The following KRT80 variants were observed in gnomAD, a reference collection of about 807,000 sequenced individuals.
KRT80 encodes the protein keratin 80, also known as keratin, type II cytoskeletal 80.
Under a neutral mutation model 51.5 loss-of-function variants are expected in KRT80, and 36 were observed. The observed-to-expected ratio is 0.70, with a 90% CI of 0.54 to 0.92. KRT80 has a LOEUF of 0.92. Ranked by LOEUF, KRT80 falls within the 40% of genes least tolerant of loss-of-function variation. The pLI is 0.00. For synonymous variants in KRT80, 235 were observed against 248.3 expected (o/e 0.95, Z 0.50); for missense variants, 566 against 591.7 (o/e 0.96, Z 0.45).
At position 52,191,717 on chromosome 12, in the gene KRT80, G is replaced by A. The variant is rs558670359; in HGVS notation, c.186C>T (p.Pro62=). The change falls in exon 1 of 9, where the codon CCC becomes CCT. Residue 62 remains proline, a synonymous_variant. Transcript: ENST00000394815. The part of the protein sequence containing the change: ...AGTISKVTVN[P]GLLVPLDVKL... Reference sequence around the variant, plus strand: ...TGACATCCAGGGGCACCAGCAGGCCGGGGTTCACAGTCACCTTGGAGATAG... The same window carrying A: ...TGACATCCAGGGGCACCAGCAGGCCAGGGTTCACAGTCACCTTGGAGATAG... 59 of 1,613,764 alleles carry A rather than the reference G, an allele frequency of 3.7e-5. No individual in the cohort carries two copies. Among genetic ancestry groups the A allele is most frequent in the East Asian group, 1.6e-4 (7 of 44,886 alleles).
In KRT80 at chr12:52,171,834, T is replaced by C. The variant is rs954664582; in HGVS notation, c.1179-121A>G. On this transcript the variant is annotated intron_variant, in intron 7 of 8. Transcript: ENST00000394815. ...AGTTCTTGGTGGTCACTCCCAGCCCTGGGGTTGCCCTGTTGTGTGGCCCTG... is the reference window on the plus strand; with the variant it reads ...AGTTCTTGGTGGTCACTCCCAGCCCCGGGGTTGCCCTGTTGTGTGGCCCTG... The C allele has an allele frequency of 4.2e-6, 3 of 721,140 alleles. No homozygotes were observed. The African/African-American group carries it at 5.3e-5, about 13-fold the overall frequency. The allele number at this position is 721,140 out of a possible 1,614,324, so 44.7% of individuals were successfully genotyped here.
intron 1 of KRT80, chr12:52,185,831 C>A: frequency 1.4e-6 from 1 of 730,786 alleles, no homozygotes; most frequent in Non-Finnish European, 2.1e-6. Flanking sequence ...CAGGCGAGGG[C>A]AGGGCAGGGC....
chr12:52,177,606 T>C (rs1941250623), intron 4 of KRT80, among the ~76,000 whole-genome samples: 2 of 151,780 alleles, frequency 1.3e-5, no homozygotes, highest in Non-Finnish European at 2.9e-5. Context: ...CTCAGTTGGC[T>C]TGGAAGGGCT....
chr12:52,175,233 A>G (rs1266279869), intron 4 of KRT80, among the ~76,000 whole-genome samples: 1 of 152,130 alleles, frequency 6.6e-6, no homozygotes. Flanking sequence ...GTTCTTTGCC[A>G]TTGTTCTTAT....
In KRT80 at chr12:52,172,397, T is replaced by C. The variant is rs763291456; in HGVS notation, c.979A>G (p.Ile327Val). 1 of 1,613,440 alleles carries C rather than the reference T, an allele frequency of 6.2e-7. No homozygotes were observed. The highest frequency in any genetic ancestry group is 1.3e-5 in the African/African-American group (1 of 75,038). ...TCACCCTGCTCCTCAGCTGTCTTGA[T>C]GTTCTCCTCCAGTTTCAGGCACTGC... ...KSHCLKLEEN[I>V]KTAEEQGELA... is the part of the protein sequence containing the mutation. The change falls in exon 7 of 9, where the codon ATC becomes GTC. Residue 327 changes from isoleucine (I) to valine (V), a missense_variant. Transcript: ENST00000394815.
chr12:52,173,460 T>C (rs1941155805), intron 5 of KRT80, 140 bp downstream of exon 5: 13 of 601,582 alleles, frequency 2.2e-5, no homozygotes, highest in Admixed American at 4.6e-5. Flanking sequence ...GCCCGCCCCG[T>C]CCCTGTGCTT....
Position 52,173,028 on chromosome 12 carries a change from A to T in KRT80, c.957+10T>A. On this transcript the variant is annotated intron_variant, in intron 6 of 8. Transcript: ENST00000394815. ...CTCCCCGCCCCCAGGCGCGTCCCCC[A>T]GATACTCACATGGCTCTTGACAGAG... 1.2e-6 allele frequency: 2 copies of T among 1,600,408 alleles called. No homozygotes were observed. The highest frequency in any genetic ancestry group is 1.7e-6 in the Non-Finnish European group (2 of 1,170,452).
At chr12:52,180,662 C>A (rs1253601296) in intron 3 of KRT80, 54 bp from the exon 4 acceptor site, 4 of 1,562,790 alleles carry the variant, frequency 2.6e-6, no homozygotes, top group Non-Finnish European at 3.5e-6. Context: ...GGTCCCAGGG[C>A]AGGAGTGGGC....
Position 52,180,982 on chromosome 12 carries a change from T to G in KRT80, c.510-19A>C. 2.0e-4 allele frequency: 301 copies of G among 1,510,548 alleles called. No individual in the cohort carries two copies. The highest frequency in any genetic ancestry group is 2.4e-4 in the Non-Finnish European group (269 of 1,128,480). The allele number at this position is 1,510,548 out of a possible 1,614,324, so 93.6% of individuals were successfully genotyped here. ...CTCATACCTGGGAGGGAGAGAGGGG[T>G]TGCTCAGCTGGATATGGTGGGGGCT... On this transcript the variant is annotated intron_variant, in intron 2 of 8. Coordinates refer to ENST00000394815, the MANE Select transcript of KRT80 (RefSeq NM_182507.3).
chr12:52,184,074 G>A (rs528030736), intron 2 of KRT80, among the ~76,000 whole-genome samples: 1 of 152,338 alleles, frequency 6.6e-6, no homozygotes, highest in South Asian at 2.1e-4. Context: ...GGGGAGAGGC[G>A]ATGGGTAAAC....
At chr12:52,178,873 TA>T (rs547760428) in intron 4 of KRT80, among the ~76,000 whole-genome samples, 236 of 140,638 alleles carry the variant, frequency 1.7e-3, no homozygotes, top group African/African-American at 3.6e-3. Flanking sequence ...ACAGAAATAG[TA>T]AAAAAAAAAA....
intron 3 of KRT80, 24 bp downstream of exon 3, chr12:52,180,879 C>T (rs1592362467): frequency 3.1e-6 from 5 of 1,605,252 alleles, no homozygotes; most frequent in East Asian, 4.5e-5. Flanking sequence ...GGAAGGAGCC[C>T]CTGGGGCAGG....
rs1483365434 is a variant in KRT80 at position 52,185,571 on chromosome 12, T to C, written c.317A>G (p.Gln106Arg). 1 of 1,609,634 alleles carries C rather than the reference T, an allele frequency of 6.2e-7. No homozygotes were observed. The highest frequency in any genetic ancestry group is 8.5e-7 in the Non-Finnish European group (1 of 1,179,976). The change falls in exon 2 of 9, where the codon CAG (glutamine) becomes CGG (arginine). Residue 106 changes from glutamine to arginine, a missense_variant. Gln to Arg is a conservative substitution (Grantham distance 43). Coordinates refer to ENST00000394815, the MANE Select transcript of KRT80 (RefSeq NM_182507.3). ...GCGTGTCTCCAGCAGCTGGTTGCGC[T>C]GTTCCAGGGCTTGCACCTGGGAGAG... is the stretch of plus-strand genomic sequence containing the variant. ...SLIGKVQALE[Q>R]RNQLLETRWS...
intron 1 of KRT80, among the ~76,000 whole-genome samples, chr12:52,186,226 C>A (rs1802693193): frequency 6.6e-6 from 1 of 152,014 alleles, no homozygotes; most frequent in Non-Finnish European, 1.5e-5. Flanking sequence ...CATCACCAGG[C>A]CCTCTGCTCT....
At chr12:52,173,470 T>C (rs1941156046) in intron 5 of KRT80, 130 bp downstream of exon 5, 4 of 933,278 alleles carry the variant, frequency 4.3e-6, no homozygotes, top group Non-Finnish European at 6.6e-6. Context: ...TCCCTGTGCT[T>C]CTCCATTCCT....
At position 52,185,533 on chromosome 12, in the gene KRT80, G is replaced by T. The variant is rs1166576871; in HGVS notation, c.355C>A (p.Gln119Lys). 1.2e-6 allele frequency: 2 copies of T among 1,613,054 alleles called. No individual in the cohort carries two copies. Among genetic ancestry groups the T allele is most frequent in the Middle Eastern group, 1.6e-4 (1 of 6,062 alleles). The part of the protein sequence containing the change: ...QLLETRWSFL[Q>K]GQDSAIFDLG... ...TCGAAGATGGCTGAGTCCTGGCCCT[G>T]CAGGAAGCTCCAGCGTGTCTCCAGC... Residue 119 changes from glutamine to lysine, a missense_variant, in exon 2 of 9, where the codon CAG becomes AAG. Coordinates refer to ENST00000394815, the MANE Select transcript of KRT80 (RefSeq NM_182507.3).
chr12:52,191,595 G>T lies in KRT80; in HGVS notation c.300+8C>A, dbSNP rs778863792. ...CCTTCATGTTTGGGACCCCCTACTT[G>T]TGCTCACCTTGCCAATTAGGGAGGC... On this transcript the variant is annotated splice_region_variant and intron_variant, in intron 1 of 8. Coordinates refer to ENST00000394815, the MANE Select transcript of KRT80 (RefSeq NM_182507.3). 6.4e-7 allele frequency: 1 copy of T among 1,573,574 alleles called. No homozygotes were observed. Among genetic ancestry groups the T allele is most frequent in the South Asian group, 1.2e-5 (1 of 84,730 alleles).
rs923022723 is a variant in KRT80, at chr12:52,174,157, T to C, written c.667-393A>G. Among the ~76,000 whole-genome samples, 7 of 152,212 alleles carry C rather than the reference T, an allele frequency of 4.6e-5. No homozygotes were observed. The East Asian group carries it at 1.3e-3, about 29-fold the overall frequency. On this transcript the variant is annotated intron_variant, in intron 4 of 8. Transcript: ENST00000394815. ...GTGAGTTGGGCCCCTCTGTTTACTG[T>C]TTCATTATTCCTGTGCTGTGGGGTA... is the stretch of plus-strand genomic sequence containing the variant.
intron 1 of KRT80, among the ~76,000 whole-genome samples, chr12:52,189,459 G>T (rs1029173958): frequency 5.9e-5 from 9 of 152,230 alleles, no homozygotes; most frequent in African/African-American, 2.2e-4. Flanking sequence ...TGATTCTAAT[G>T]AGCCTGCTAA....
Sources: gnomAD v4.1 joint callset for allele counts (sites outside exome capture counted in the v4.1 genomes callset) on GRCh38, gnomAD v4.1.1 for gene constraint, MANE v1.5 for transcripts, NCBI Gene and HGNC (gene_info 2026-07-23, HGNC 2026-07-21) for gene names.